The following THSD4 variants were observed in gnomAD, a reference collection of about 807,000 sequenced individuals.
The protein encoded by THSD4 is thrombospondin type 1 domain containing 4, also known as thrombospondin type-1 domain-containing protein 4.
A neutral mutation model predicts 119.0 loss-of-function variants in THSD4; 69 were observed. The observed-to-expected ratio is 0.58, with a 90% CI of 0.48 to 0.71. The LOEUF is 0.71. Ranked by LOEUF, THSD4 falls within the 30% of genes least tolerant of loss-of-function variation. The pLI is 0.00. For missense variants in THSD4, 1,393 were observed against 1,391.1 expected (o/e 1.00, Z -0.02); for synonymous variants, 524 against 540.4 (o/e 0.97, Z 0.42).
intron 6 of THSD4, among the ~76,000 whole-genome samples, chr15:71,329,052 G>GGGCATCTGAGAAATACCAAGCCTC (rs1227098405): frequency 6.6e-5 from 10 of 152,192 alleles, no homozygotes; most frequent in Non-Finnish European, 1.0e-4. Context: ...AGCCAAGCCA[G>GGGCATCTGAGAAATACCAAGCCTC]GGCATCTGAG....
chr15:71,553,176 TGCCTATGACTTGCAATG>T (rs1196483811), intron 7 of THSD4, among the ~76,000 whole-genome samples: 1 of 152,222 alleles, frequency 6.6e-6, no homozygotes, highest in Non-Finnish European at 1.5e-5. Context: ...TGTATGTGTA[TGCCTATGACTTGCAATG>T]GCAGAGTTTT....
chr15:71,125,299 A>G (rs1420892869), intron 1 of THSD4, among the ~76,000 whole-genome samples: 2 of 152,134 alleles, frequency 1.3e-5, no homozygotes, highest in Non-Finnish European at 2.9e-5. Context: ...GAATTTTTTT[A>G]TTGTAAAAGG....
At chr15:71,620,244 G>A (rs1875419) in intron 7 of THSD4, among the ~76,000 whole-genome samples, 45,239 of 151,978 alleles carry the variant, frequency 0.3, 7,736 homozygotes, top group Middle Eastern at 0.39. Context: ...AATGAAGTGA[G>A]CTAACTAATG....
intron 6 of THSD4, among the ~76,000 whole-genome samples, chr15:71,402,442 T>C (rs1257057796): frequency 6.6e-6 from 1 of 152,162 alleles, no homozygotes; most frequent in East Asian, 1.9e-4. Flanking sequence ...TCCAGAGCAC[T>C]GATCCTAAAG....
At chr15:71,123,702 A>C (rs2040428825) in intron 1 of THSD4, among the ~76,000 whole-genome samples, 1 of 152,120 alleles carries the variant, frequency 6.6e-6, no homozygotes, top group African/African-American at 2.4e-5. Context: ...ATTCAGAAAG[A>C]CCTGGGGTGG....
intron 7 of THSD4, among the ~76,000 whole-genome samples, chr15:71,643,544 A>G (rs548299202): frequency 6.6e-6 from 1 of 152,134 alleles, no homozygotes; most frequent in Non-Finnish European, 1.5e-5. Flanking sequence ...TCCCACTTGT[A>G]AGTGAGAACA....
chr15:71,399,135 G>A (rs1027741154), intron 6 of THSD4, among the ~76,000 whole-genome samples: 6 of 151,982 alleles, frequency 3.9e-5, no homozygotes, highest in Non-Finnish European at 7.4e-5. Context: ...TGAGGTGGGG[G>A]GTGCAGTGGT....
In THSD4 at chr15:71,417,197, T is replaced by C. The variant is rs533622134; in HGVS notation, c.1152+5374T>C. ...CATTCTGTGGGTTGTCTCTTCACTT[T>C]GTTGATTATTTTCTTTGCTGTGCAG... On this transcript the variant is annotated intron_variant, in intron 7 of 17. Transcript: ENST00000261862. Among the ~76,000 whole-genome samples the C allele has an allele frequency of 2.2e-3, 242 of 109,058 alleles. 83 individuals are homozygous for C. The highest frequency in any genetic ancestry group is 3.9e-3 in the Non-Finnish European group (195 of 49,496). 71.5% of individuals were successfully genotyped at this position (109,058 alleles called of 152,430 possible). A position where few individuals can be genotyped will look rare whatever the true frequency, so the allele number is the denominator to read the frequency against.
intron 5 of THSD4, 124 bp from the exon 6 acceptor site, chr15:71,256,484 AAAAAT>A (rs1231902470): frequency 6.8e-6 from 4 of 589,370 alleles, no homozygotes; most frequent in African/African-American, 6.0e-5. Context: ...TCAAAAAAAA[AAAAAT>A]AAATAAATAA....
upstream of THSD4, chr15:71,112,418 C>G: frequency 2.0e-6 from 1 of 491,062 alleles, no homozygotes; most frequent in Non-Finnish European, 3.3e-6. Context: ...AGTTATGTTT[C>G]TTGTCTGTCC....
At position 71,758,059 on chromosome 15, in the gene THSD4, C is replaced by T; in HGVS notation, c.2573C>T (p.Ala858Val). Residue 858 changes from alanine to valine, a missense_variant, in exon 15 of 18, where the codon GCC (alanine) becomes GTC (valine). Coordinates refer to ENST00000261862, the MANE Select transcript of THSD4 (RefSeq NM_024817.3). ...TGCACGGGCAAGGTGGAGTGGTTTG[C>T]CGGGAGCTGGAGTCAGGTGAGTGGC... ...GPCTGKVEWF[A>V]GSWSQCSIEC... 6.3e-7 allele frequency: 1 copy of T among 1,586,684 alleles called. No homozygotes were observed.
intron 7 of THSD4, among the ~76,000 whole-genome samples, chr15:71,596,026 T>G (rs748529777): frequency 6.6e-6 from 1 of 152,246 alleles, no homozygotes; most frequent in Non-Finnish European, 1.5e-5. Context: ...CACTGTTGCT[T>G]CTTTTCCAGC....
At chr15:71,103,257 G>A (rs528836257) in intron 1 of THSD4, among the ~76,000 whole-genome samples, 145 of 152,068 alleles carry the variant, frequency 9.5e-4, no homozygotes, top group Non-Finnish European at 1.9e-3. Context: ...AGAGTGCAGT[G>A]CTATTCAGAT....
Position 71,209,722 on chromosome 15 carries a change from C to T in THSD4, c.100-5313C>T, listed in dbSNP as rs185559173. Among the ~76,000 whole-genome samples the T allele has an allele frequency of 4.1e-4, 62 of 152,232 alleles. 1 individual carries two copies. The East Asian group carries it at 6.8e-3, about 17-fold the overall frequency. The stretch of plus-strand genomic sequence containing the variant: ...GTCTATGGGTGATATGGTTGTGTCC[C>T]CACCCAAACCTCATCTTGAACTGTA... On this transcript the variant is annotated intron_variant, in intron 3 of 17. Transcript: ENST00000261862.
At chr15:71,265,618 C>T (rs945945173) in intron 6 of THSD4, among the ~76,000 whole-genome samples, 1 of 152,074 alleles carries the variant, frequency 6.6e-6, no homozygotes, top group Non-Finnish European at 1.5e-5. Context: ...TGTTCACTCC[C>T]CTGGAAAGGG....
chr15:71,396,556 C>G (rs1049525280), intron 6 of THSD4, among the ~76,000 whole-genome samples: 1 of 152,192 alleles, frequency 6.6e-6, no homozygotes, highest in Non-Finnish European at 1.5e-5. Context: ...GCCACATCAT[C>G]TTGCTGGAGG....
chr15:71,264,084 G>A (rs777143217), intron 6 of THSD4, among the ~76,000 whole-genome samples: 9 of 152,222 alleles, frequency 5.9e-5, no homozygotes, highest in Non-Finnish European at 1.3e-4. Context: ...CAACACAGAC[G>A]CCATGGTGGG....
intron 15 of THSD4, among the ~76,000 whole-genome samples, chr15:71,761,785 G>C (rs1019275538): frequency 6.6e-6 from 1 of 152,146 alleles, no homozygotes; most frequent in South Asian, 2.1e-4. Flanking sequence ...AAGTGGTAAG[G>C]TTTCTGAGCC....
At chr15:71,564,709 CAA>C (rs2049195464) in intron 7 of THSD4, among the ~76,000 whole-genome samples, 1 of 120,750 alleles carries the variant, frequency 8.3e-6, no homozygotes, top group Non-Finnish European at 1.8e-5. Flanking sequence ...ACATATAATA[CAA>C]TATATATTGT....
Sources: allele counts gnomAD v4.1 joint callset (sites outside exome capture counted in the v4.1 genomes callset), GRCh38; gene constraint gnomAD v4.1.1; transcripts MANE v1.5; gene names NCBI Gene and HGNC (gene_info 2026-07-23, HGNC 2026-07-21).